The following NRXN1 variants were observed in gnomAD, a reference collection of about 807,000 sequenced individuals.
The protein encoded by NRXN1 is neurexin-1.
NRXN1 carries 39 observed loss-of-function variants against 150.9 expected under a neutral mutation model. The ratio of observed to expected loss-of-function variants is 0.26; its 90% CI spans 0.20 to 0.34. The LOEUF (loss-of-function observed/expected upper bound fraction) is 0.34, where lower values mean the gene tolerates loss of function less well. Ranked by LOEUF, NRXN1 falls within the 10% of genes least tolerant of loss-of-function variation. The probability of loss-of-function intolerance (pLI) is 1.00; values close to 1 mark genes in which losing one functional copy is unlikely to be tolerated. For missense variants in NRXN1, 1,815 were observed against 1,949.9 expected, an observed-to-expected ratio of 0.93 and a Z score of 1.30; for synonymous variants, 924 against 757.0, an observed-to-expected ratio of 1.22 and a Z score of -3.62.
chr2:50,346,767 ATGG>A lies in NRXN1; in HGVS notation c.3365-109800_3365-109798del. On this transcript the variant is annotated intron_variant, in intron 17 of 22. Coordinates refer to ENST00000401669, the MANE Select transcript of NRXN1 (RefSeq NM_001330078.2). This position sits in a 1 kb window ranked among gnomAD's most constrained non-coding sequence, Gnocchi z 5.0. ...AATGATGCTTGCTGCTGCCATGGAA[ATGG>A]TGGATGTGGTGCGCTCCCAAACTGG... 5 of 1,613,802 alleles carry A rather than the reference ATGG, an allele frequency of 3.1e-6. No individual in the cohort carries two copies. Among genetic ancestry groups the A allele is most frequent in the Non-Finnish European group, 3.4e-6 (4 of 1,179,926 alleles).
At chr2:50,603,094 T>C (rs1676536126) in intron 8 of NRXN1, among the ~76,000 whole-genome samples, 1 of 152,182 alleles carries the variant, frequency 6.6e-6, no homozygotes, top group African/African-American at 2.4e-5. Flanking sequence ...ATCAAACAAT[T>C]ATTTAAAAAT....
Position 50,358,866 on chromosome 2 carries a change from C to T in NRXN1, c.3364+106576G>A, listed in dbSNP as rs951181309. 4.6e-5 allele frequency among the ~76,000 whole-genome samples: 7 copies of T among 152,186 alleles called. 1 individual carries two copies. The highest frequency in any genetic ancestry group is 9.6e-5 in the African/African-American group (4 of 41,460). On this transcript the variant is annotated intron_variant, in intron 17 of 22. Transcript: ENST00000401669. ...GCATCTGGCAGGTGTCCCACTGGGA[C>T]GAAGCTTCCAGAGGTGGAAGCAAGC...
chr2:50,149,162 A>C (rs917378436), intron 18 of NRXN1, among the ~76,000 whole-genome samples: 1 of 151,756 alleles, frequency 6.6e-6, no homozygotes, highest in Non-Finnish European at 1.5e-5. Context: ...TTTAAAGATA[A>C]ATTGCTGGAA....
chr2:50,913,604 A>C (rs553830284), intron 5 of NRXN1, among the ~76,000 whole-genome samples: 2 of 151,892 alleles, frequency 1.3e-5, no homozygotes, highest in South Asian at 4.1e-4. Flanking sequence ...TAGTATTTTA[A>C]ACATGAAAGA....
rs2080165544 is a variant in NRXN1, at chr2:50,373,292, T to TA, written c.3364+92149_3364+92150insT. Among the ~76,000 whole-genome samples, 4 of 37,506 alleles carry TA rather than the reference T, an allele frequency of 1.1e-4. No individual in the cohort carries two copies. In the African/African-American group the frequency reaches 1.2e-3, roughly 11 times the overall value. 24.6% of individuals were successfully genotyped at this position (37,506 alleles called of 152,430 possible). On this transcript the variant is annotated intron_variant, in intron 17 of 22. Transcript: ENST00000401669. ...CCATATCAGATTTATTTTATTTTAT[T>TA]TTTTATTATTATTATTATTATTATT...
In NRXN1 at chr2:50,448,510, T is replaced by G. The variant is rs1323035308; in HGVS notation, c.3364+16932A>C. On this transcript the variant is annotated intron_variant, in intron 17 of 22. Coordinates refer to ENST00000401669, the MANE Select transcript of NRXN1 (RefSeq NM_001330078.2). ...TGATTAAAGCATTAGTGGTGGTCAC[T>G]AGGAAACGTGAAAGGAACATGTAAT... is the stretch of plus-strand genomic sequence containing the variant. Among the ~76,000 whole-genome samples, 3 of 152,196 alleles carry G rather than the reference T, an allele frequency of 2.0e-5. No homozygotes were observed. The East Asian group carries it at 5.8e-4, about 29-fold the overall frequency.
chr2:50,085,336 T>C (rs1049838086), intron 19 of NRXN1, among the ~76,000 whole-genome samples: 3 of 152,184 alleles, frequency 2.0e-5, no homozygotes, highest in African/African-American at 7.2e-5. Context: ...CTACTCAAAA[T>C]TGGTTATTTA....
chr2:50,469,872 A>T (rs775860493), intron 16 of NRXN1, among the ~76,000 whole-genome samples: 1 of 151,304 alleles, frequency 6.6e-6, no homozygotes, highest in Non-Finnish European at 1.5e-5. Flanking sequence ...ATAATAGTTT[A>T]ATGTGTAACT....
At chr2:50,457,201 G>T (rs1447059170) in intron 17 of NRXN1, among the ~76,000 whole-genome samples, 1 of 152,130 alleles carries the variant, frequency 6.6e-6, no homozygotes, top group African/African-American at 2.4e-5. Context: ...CTCATCTGTA[G>T]AAGTGCCAAC....
At chr2:50,234,982 T>C (rs994565732) in intron 18 of NRXN1, among the ~76,000 whole-genome samples, 1 of 152,054 alleles carries the variant, frequency 6.6e-6, no homozygotes, top group African/African-American at 2.4e-5. Flanking sequence ...ATTCTTGCAG[T>C]CTAAAACTCT....
At chr2:50,708,574 C>T (rs1183040386) in intron 5 of NRXN1, among the ~76,000 whole-genome samples, 2 of 152,084 alleles carry the variant, frequency 1.3e-5, no homozygotes, top group East Asian at 3.9e-4. Context: ...GAATTGTTGT[C>T]CTCAACAACA....
chr2:50,373,681 AAGAAAGAAG>A (rs140242103), intron 17 of NRXN1, among the ~76,000 whole-genome samples: 3,010 of 122,310 alleles, frequency 0.025, 58 homozygotes, highest in Non-Finnish European at 0.03. Flanking sequence ...AAAGAAAGAA[AAGAAAGAAG>A]GAAAGAAAGA....
At chr2:50,708,586 G>T (rs1256253309) in intron 5 of NRXN1, among the ~76,000 whole-genome samples, 1 of 152,142 alleles carries the variant, frequency 6.6e-6, no homozygotes, top group African/African-American at 2.4e-5. Flanking sequence ...TCAACAACAG[G>T]CAGGGTACCT....
intron 5 of NRXN1, among the ~76,000 whole-genome samples, chr2:50,740,676 T>C (rs1247054058): frequency 6.6e-6 from 1 of 152,202 alleles, no homozygotes; most frequent in Admixed American, 6.5e-5. Flanking sequence ...TGAGTTTTTT[T>C]CCAGTATTTC....
chr2:50,279,945 A>G (rs1334311329), intron 17 of NRXN1, among the ~76,000 whole-genome samples: 1 of 152,192 alleles, frequency 6.6e-6, no homozygotes, highest in Non-Finnish European at 1.5e-5. Flanking sequence ...ATTGTAGTTC[A>G]GGTTTCCCTC....
rs1679748685 is a variant in NRXN1 at position 50,620,165 on chromosome 2, C to A, written c.1177G>T (p.Gly393Trp). 6.2e-7 allele frequency: 1 copy of A among 1,613,228 alleles called. No individual in the cohort carries two copies. The highest frequency in any genetic ancestry group is 8.5e-7 in the Non-Finnish European group (1 of 1,179,600). ...GTGTAGCCCGTTGTGGTAAGAATCC[C>A]ATCCACTGATATTGTCACCTAGATA... ...GHAMVTISVD[G>W]ILTTTGYTQE... Residue 393 changes from glycine to tryptophan, a missense_variant, in exon 8 of 23, where the codon GGG becomes TGG. By Grantham distance (184) the Gly-to-Trp change is radical. Around this residue, in one of 6 missense-constraint regions of NRXN1, gnomAD observed 638 missense variants for 652.6 expected, o/e 0.98. Coordinates refer to ENST00000401669, the MANE Select transcript of NRXN1 (RefSeq NM_001330078.2).
chr2:50,189,041 C>T (rs2061276491), intron 18 of NRXN1, among the ~76,000 whole-genome samples: 1 of 152,168 alleles, frequency 6.6e-6, no homozygotes, highest in Non-Finnish European at 1.5e-5. Context: ...GATTATAAAT[C>T]ATTCTACTAT....
chr2:50,776,016 A>G (rs1211632535), intron 5 of NRXN1, among the ~76,000 whole-genome samples: 1 of 152,062 alleles, frequency 6.6e-6, no homozygotes, highest in Non-Finnish European at 1.5e-5. Flanking sequence ...AAATATCCCA[A>G]TATATTACTG....
At chr2:49,998,112 T>C (rs1683290327) in intron 21 of NRXN1, among the ~76,000 whole-genome samples, 1 of 152,194 alleles carries the variant, frequency 6.6e-6, no homozygotes, top group Admixed American at 6.5e-5. Context: ...GTAGTCTGCA[T>C]GCTTTTATCC....
Sources: gnomAD v4.1 joint callset for allele counts (sites outside exome capture counted in the v4.1 genomes callset) on GRCh38, gnomAD v4.1.1 for gene constraint, gnomAD v4.1.1 regional missense constraint, Gnocchi (gnomAD v3.1) non-coding constraint, MANE v1.5 for transcripts, NCBI Gene and HGNC (gene_info 2026-07-23, HGNC 2026-07-21) for gene names.